SLCO4A1: variants seen among roughly 807,000 people sequenced by gnomAD.
SLCO4A1 encodes solute carrier organic anion transporter family member 4A1, also known as colon organic anion transporter.
A neutral mutation model predicts 64.6 loss-of-function variants in SLCO4A1; 51 were observed. The observed-to-expected ratio is 0.79, with a 90% CI of 0.63 to 1.00. The LOEUF (loss-of-function observed/expected upper bound fraction) is 1.00, where lower values mean the gene tolerates loss of function less well. SLCO4A1 is among the 50% of genes least tolerant of loss of function. The pLI, the probability that SLCO4A1 is intolerant of heterozygous loss-of-function variation, is 0.00. For synonymous variants in SLCO4A1, 471 were observed against 444.9 expected (o/e 1.06, Z -0.74); for missense variants, 919 against 980.5 (o/e 0.94, Z 0.84).
At position 62,656,824 on chromosome 20, in the gene SLCO4A1, A is replaced by G. The variant is rs570640081; in HGVS notation, c.370A>G (p.Ile124Val). 6 of 1,612,732 alleles carry G rather than the reference A, an allele frequency of 3.7e-6. No homozygotes were observed. In the African/African-American group the frequency reaches 6.7e-5, roughly 18 times the overall value. ...GCAGGGGATGACTGTGAATGGCTTC[A>G]TCAACACAGTCATCACCTCCCTGGA... ...FLQGMTVNGF[I>V]NTVITSLERR... The change falls in exon 2 of 12, where the codon ATC becomes GTC. Residue 124 changes from isoleucine to valine, a missense_variant. Coordinates refer to ENST00000217159, the MANE Select transcript of SLCO4A1 (RefSeq NM_016354.4).
chr20:62,657,199 G>T lies in SLCO4A1; in HGVS notation c.745G>T (p.Val249Phe). 6.5e-7 allele frequency: 1 copy of T among 1,548,768 alleles called. No individual in the cohort carries two copies. The highest frequency in any genetic ancestry group is 1.2e-5 in the South Asian group (1 of 84,384). ...VGATPLYTLG[V>F]TYLDENVKSS... is the part of the protein sequence containing the mutation. ...TGCCACACCCCTCTACACGCTGGGC[G>T]TCACCTACCTGGATGAGAACGTCAA... The change falls in exon 2 of 12, where the codon GTC (valine) becomes TTC (phenylalanine). Residue 249 changes from valine to phenylalanine, a missense_variant. Physicochemically the swap from Val to Phe is conservative, Grantham distance 50. Transcript: ENST00000217159.
Position 62,656,833 on chromosome 20 carries a change from G to C in SLCO4A1, c.379G>C (p.Val127Leu). Residue 127 changes from valine (V) to leucine (L), a missense_variant, in exon 2 of 12, where the codon GTC becomes CTC. Transcript: ENST00000217159. ...GMTVNGFINT[V>L]ITSLERRYDL... ...GACTGTGAATGGCTTCATCAACACA[G>C]TCATCACCTCCCTGGAGCGCCGCTA... 1 of 1,612,132 alleles carries C rather than the reference G, an allele frequency of 6.2e-7. No individual in the cohort carries two copies. Among genetic ancestry groups the C allele is most frequent in the Non-Finnish European group, 8.5e-7 (1 of 1,179,368 alleles).
chr20:62,648,319 G>A (rs765151670), intron 1 of SLCO4A1, among the ~76,000 whole-genome samples: 4 of 152,248 alleles, frequency 2.6e-5, no homozygotes, highest in Non-Finnish European at 5.9e-5. Context: ...CTCCGCCTCA[G>A]ATGTTCTCCC....
At chr20:62,647,055 G>A (rs891720778) in intron 1 of SLCO4A1, among the ~76,000 whole-genome samples, 2 of 152,264 alleles carry the variant, frequency 1.3e-5, no homozygotes, top group South Asian at 2.1e-4. Context: ...ATGGCTTCCT[G>A]CCTGCTCGCC....
At chr20:62,663,412 C>T (rs1236037526) in intron 5 of SLCO4A1, 1 of 152,226 alleles carries the variant, frequency 6.6e-6, no homozygotes, top group Non-Finnish European at 1.5e-5. Context: ...CGACAGTCTG[C>T]TCTGGTGAGA....
intron 1 of SLCO4A1, among the ~76,000 whole-genome samples, chr20:62,654,491 C>T (rs1453336791): frequency 6.6e-6 from 1 of 152,154 alleles, no homozygotes; most frequent in Non-Finnish European, 1.5e-5. Context: ...CCCCACGGGA[C>T]TGCCTGCTGT....
downstream of SLCO4A1, among the ~76,000 whole-genome samples, chr20:62,675,106 A>T (rs1987526590): frequency 1.3e-5 from 2 of 152,072 alleles, no homozygotes; most frequent in South Asian, 4.1e-4. Flanking sequence ...CAGAGAGGAC[A>T]GAGAGAGGGA....
chr20:62,672,359 C>T (rs1208062956), downstream of SLCO4A1: 51 of 912,512 alleles, frequency 5.6e-5, no homozygotes, highest in Non-Finnish European at 6.7e-5. Context: ...CATCCTTGGC[C>T]CACGTCCTGT....
At chr20:62,652,330 CA>C (rs1436775607) in intron 1 of SLCO4A1, 1 of 152,324 alleles carries the variant, frequency 6.6e-6, no homozygotes, top group Non-Finnish European at 1.5e-5. Context: ...GAGGGAAACA[CA>C]CCCACAGGCT....
chr20:62,680,200 C>T (rs922487000), intron 2 of SLCO4A1, among the ~76,000 whole-genome samples: 10 of 152,208 alleles, frequency 6.6e-5, no homozygotes, highest in Non-Finnish European at 1.2e-4. Context: ...ATAGAGATGA[C>T]GGTTGAGTCC....
chr20:62,654,941 G>A (rs1046565853), intron 1 of SLCO4A1, among the ~76,000 whole-genome samples: 11 of 152,272 alleles, frequency 7.2e-5, no homozygotes, highest in African/African-American at 1.9e-4. Flanking sequence ...CCTCCCTCCC[G>A]GGCAGGGGAA....
intron 7 of SLCO4A1, among the ~76,000 whole-genome samples, chr20:62,667,026 T>TCGGCC (rs1986475413): frequency 6.6e-6 from 1 of 152,198 alleles, no homozygotes; most frequent in African/African-American, 2.4e-5. Flanking sequence ...AGCCTGCACC[T>TCGGCC]CGGCCCTGCC....
downstream of SLCO4A1, among the ~76,000 whole-genome samples, chr20:62,688,093 C>T (rs968133400): frequency 3.3e-5 from 5 of 150,774 alleles, no homozygotes; most frequent in Admixed American, 6.6e-5. Flanking sequence ...TCATTGCCTT[C>T]CAGGCTCTCA....
Position 62,645,000 on chromosome 20 carries a change from A to G in SLCO4A1, c.-97+2447A>G, listed in dbSNP as rs142441824. ...AAAACGTTCCCTCACGAGCCACATG[A>G]CTGCCTCATTTGCAAGTGGCAAGGT... On this transcript the variant is annotated intron_variant, in intron 1 of 11. Coordinates refer to ENST00000217159, the MANE Select transcript of SLCO4A1 (RefSeq NM_016354.4). The surrounding 1 kb of genome is among the most constrained non-coding windows in gnomAD (Gnocchi z 5.4). Among the ~76,000 whole-genome samples the G allele has an allele frequency of 0.015, 2,273 of 152,344 alleles. 51 individuals carry two copies. The highest frequency in any genetic ancestry group is 0.052 in the African/African-American group (2,175 of 41,586).
Position 62,658,731 on chromosome 20 carries a change from G to A in SLCO4A1, c.851G>A (p.Gly284Asp), listed in dbSNP as rs1984217937. The change falls in exon 3 of 12, where the codon GGT (glycine) becomes GAT (aspartate). Residue 284 changes from glycine to aspartate, a missense_variant. Gly to Asp is a moderately conservative substitution (Grantham distance 94). Coordinates refer to ENST00000217159, the MANE Select transcript of SLCO4A1 (RefSeq NM_016354.4). ...CCAGCTGCCGGCTACCTGATTGGAG[G>A]TGCCCTGCTGAATATCTACACGGAA... Reference protein sequence around the residue: ...LGPAAGYLIGGALLNIYTEMG... With the variant: ...LGPAAGYLIGDALLNIYTEMG... The A allele has an allele frequency of 6.2e-7, 1 of 1,612,152 alleles. No homozygotes were observed. The highest frequency in any genetic ancestry group is 8.5e-7 in the Non-Finnish European group (1 of 1,179,544).
chr20:62,673,252 GCAGGAACAGACCCTAGAGGGAGTA>G (rs145324838), downstream of SLCO4A1, among the ~76,000 whole-genome samples: 7,237 of 142,344 alleles, frequency 0.051, 960 homozygotes, highest in East Asian at 0.099. Flanking sequence ...AGAAGGGAGT[GCAGGAACAGACCCTAGAGGGAGTA>G]CAGGGGCTCT....
chr20:62,646,477 C>T (rs1981348652), intron 1 of SLCO4A1, among the ~76,000 whole-genome samples: 3 of 152,262 alleles, frequency 2.0e-5, no homozygotes, highest in South Asian at 2.1e-4. Context: ...GCATCACTTA[C>T]GCCTTCACTC....
intron 2 of SLCO4A1, among the ~76,000 whole-genome samples, chr20:62,679,365 C>CTTT (rs11484310): frequency 6.8e-6 from 1 of 147,570 alleles, no homozygotes; most frequent in African/African-American, 2.5e-5. Context: ...CATCAAATTC[C>CTTT]TTTTTTTTTT....
chr20:62,665,197 G>A, intron 6 of SLCO4A1, 109 bp downstream of exon 6: 10 of 1,266,996 alleles, frequency 7.9e-6, no homozygotes, highest in Non-Finnish European at 1.1e-5. Context: ...GGCAGTGAGT[G>A]CCCTCCCACC....
Sources: gnomAD v4.1 joint callset for allele counts (sites outside exome capture counted in the v4.1 genomes callset) on GRCh38, gnomAD v4.1.1 for gene constraint, Gnocchi (gnomAD v3.1) non-coding constraint, MANE v1.5 for transcripts, NCBI Gene and HGNC (gene_info 2026-07-23, HGNC 2026-07-21) for gene names.